The following NOL4L variants were observed in gnomAD, a reference collection of about 807,000 sequenced individuals.
NOL4L encodes nucleolar protein 4 like.
Under a neutral mutation model 64.5 loss-of-function variants are expected in NOL4L, and 7 were observed. That is an observed-to-expected ratio of 0.11 (90% confidence interval 0.06 to 0.20). The LOEUF is 0.20. Ranked by LOEUF, NOL4L falls within the 10% of genes least tolerant of loss-of-function variation. The pLI, the probability that NOL4L is intolerant of heterozygous loss-of-function variation, is 1.00. For synonymous variants in NOL4L, 413 were observed against 401.0 expected, an observed-to-expected ratio of 1.03 and a Z score of -0.36; for missense variants, 680 against 967.1, an observed-to-expected ratio of 0.70 and a Z score of 3.94.
In NOL4L at chr20:32,570,088, G is replaced by A. The variant is rs184938710; in HGVS notation, c.321+14482C>T. 2.0e-5 allele frequency among the ~76,000 whole-genome samples: 3 copies of A among 152,152 alleles called. No individual in the cohort carries two copies. In the East Asian group the frequency reaches 5.8e-4, roughly 29 times the overall value. ...CCCAAACAGCAGGTTCTATTGCTAGGCCCATTGTACAGAGGAGGAAACTGA... is the reference window on the plus strand; with the variant it reads ...CCCAAACAGCAGGTTCTATTGCTAGACCCATTGTACAGAGGAGGAAACTGA... On this transcript the variant is annotated intron_variant, in intron 1 of 10. Coordinates refer to ENST00000621426, the MANE Select transcript of NOL4L (RefSeq NM_001256798.2).
At chr20:32,454,705 C>T (rs567457863) in intron 6 of NOL4L, among the ~76,000 whole-genome samples, 2 of 152,352 alleles carry the variant, frequency 1.3e-5, no homozygotes, top group Admixed American at 6.5e-5. Context: ...TCGTTCAGAT[C>T]GTGACTGACA....
chr20:32,581,462 T>C (rs550865961), intron 1 of NOL4L, among the ~76,000 whole-genome samples: 5 of 152,146 alleles, frequency 3.3e-5, no homozygotes, highest in African/African-American at 1.2e-4. Context: ...GAGAGGGCCC[T>C]GACCACAGCA....
chr20:32,581,064 C>T (rs1980440324), intron 1 of NOL4L, among the ~76,000 whole-genome samples: 1 of 152,334 alleles, frequency 6.6e-6, no homozygotes, highest in Non-Finnish European at 1.5e-5. Context: ...AAATCCTCAC[C>T]AGGCTTCACC....
intron 5 of NOL4L, among the ~76,000 whole-genome samples, chr20:32,473,688 C>G (rs2015186453): frequency 6.6e-6 from 1 of 152,184 alleles, no homozygotes; most frequent in Non-Finnish European, 1.5e-5. Context: ...TTAAGGCTGA[C>G]CCGTTTCACA....
chr20:32,562,713 C>A (rs543522814), intron 1 of NOL4L, among the ~76,000 whole-genome samples: 1 of 151,998 alleles, frequency 6.6e-6, no homozygotes, highest in Admixed American at 6.5e-5. Context: ...TCTGCCCTCC[C>A]TTGACCTCCA....
chr20:32,468,063 G>A (rs1460280437), intron 5 of NOL4L, among the ~76,000 whole-genome samples: 1 of 152,190 alleles, frequency 6.6e-6, no homozygotes, highest in Non-Finnish European at 1.5e-5. Flanking sequence ...GCTCCTGGGG[G>A]CATGCCAGGA....
intron 4 of NOL4L, among the ~76,000 whole-genome samples, chr20:32,488,826 T>TC (rs1568648774): frequency 0.012 from 169 of 14,538 alleles, 13 homozygotes; most frequent in Middle Eastern, 0.033. Context: ...TCTTTCTTTC[T>TC]TTTTCTTTCT....
At chr20:32,564,714 G>A (rs1329255768) in intron 1 of NOL4L, among the ~76,000 whole-genome samples, 2 of 152,250 alleles carry the variant, frequency 1.3e-5, no homozygotes, top group African/African-American at 4.8e-5. Context: ...TGTGGGCACT[G>A]GGGAAAGTAT....
At chr20:32,478,242 TACACACACACACAC>T (rs553898145) in intron 4 of NOL4L, among the ~76,000 whole-genome samples, 1 of 145,062 alleles carries the variant, frequency 6.9e-6, no homozygotes, top group African/African-American at 2.7e-5. Flanking sequence ...AGGCTATATT[TACACACACACACAC>T]ACACACACAC....
chr20:32,488,364 G>C (rs748315892), intron 4 of NOL4L, among the ~76,000 whole-genome samples: 14 of 152,196 alleles, frequency 9.2e-5, no homozygotes, highest in Non-Finnish European at 1.8e-4. Context: ...ATGGTGCATT[G>C]TGGAAATGAG....
At position 32,509,742 on chromosome 20, in the gene NOL4L, TGA is replaced by T. The variant is rs2017308597; in HGVS notation, c.699+1603_699+1604del. The T allele has an allele frequency of 2.4e-6, 3 of 1,271,204 alleles. No homozygotes were observed. The African/African-American group carries it at 4.6e-5, about 20-fold the overall frequency. 78.7% of individuals were successfully genotyped at this position (1,271,204 alleles called of 1,614,324 possible). On this transcript the variant is annotated intron_variant, in intron 4 of 10. Coordinates refer to ENST00000621426, the MANE Select transcript of NOL4L (RefSeq NM_001256798.2). Reference sequence around the variant, plus strand: ...CCAGATCAAATATCTGATTTGTTAGTGAGAGATCGCAACTTGCACGACACTGA... The same window carrying T: ...CCAGATCAAATATCTGATTTGTTAGTGAGATCGCAACTTGCACGACACTGA...
intron 1 of NOL4L, among the ~76,000 whole-genome samples, chr20:32,572,819 C>G (rs570985550): frequency 3.1e-4 from 47 of 152,296 alleles, no homozygotes; most frequent in African/African-American, 1.1e-3. Context: ...TGCACAGGCT[C>G]TGGCTTCCCT....
At chr20:32,567,497 G>A (rs1468418071) in intron 1 of NOL4L, among the ~76,000 whole-genome samples, 2 of 152,120 alleles carry the variant, frequency 1.3e-5, no homozygotes, top group African/African-American at 4.8e-5. Context: ...AACTTACTTG[G>A]GCAAAACCAG....
At chr20:32,528,011 T>A in intron 1 of NOL4L, 98 bp from the exon 2 acceptor site, 2 of 500,276 alleles carry the variant, frequency 4.0e-6, no homozygotes, top group South Asian at 2.1e-5. Flanking sequence ...GGGCAATGCC[T>A]CCGACAGTGG....
intron 4 of NOL4L, among the ~76,000 whole-genome samples, chr20:32,478,269 ACACACTCTCT>A (rs769929994): frequency 8.8e-4 from 112 of 127,770 alleles, no homozygotes; most frequent in Non-Finnish European, 1.5e-3. Flanking sequence ...ACACACACAC[ACACACTCTCT>A]CTCTCTCTCT....
intron 4 of NOL4L, among the ~76,000 whole-genome samples, chr20:32,487,442 C>T (rs2016138549): frequency 6.6e-6 from 1 of 151,952 alleles, no homozygotes. Context: ...AAGAGCTCTC[C>T]CAGGAGGAAG....
At chr20:32,507,184 C>A (rs552114037) in intron 4 of NOL4L, among the ~76,000 whole-genome samples, 1 of 152,304 alleles carries the variant, frequency 6.6e-6, no homozygotes, top group East Asian at 1.9e-4. Flanking sequence ...GTCCTCTGTG[C>A]AACTAAATAC....
At chr20:32,545,412 G>A (rs1276790280) in intron 1 of NOL4L, among the ~76,000 whole-genome samples, 3 of 152,206 alleles carry the variant, frequency 2.0e-5, no homozygotes, top group African/African-American at 2.4e-5. Flanking sequence ...ACACGTGTGC[G>A]ATGTCACGTT....
At chr20:32,485,085 A>AAAAAAAAAAAAAAAAAAAAAAAAAC (rs1568643237) in intron 4 of NOL4L, among the ~76,000 whole-genome samples, 2 of 144,414 alleles carry the variant, frequency 1.4e-5, no homozygotes, top group South Asian at 2.2e-4. Flanking sequence ...AAAAAAAAAA[A>AAAAAAAAAAAAAAAAAAAAAAAAAC]AACAACTAAA....
Sources: allele counts gnomAD v4.1 joint callset (sites outside exome capture counted in the v4.1 genomes callset), GRCh38; gene constraint gnomAD v4.1.1; transcripts MANE v1.5; gene names NCBI Gene and HGNC (gene_info 2026-07-23, HGNC 2026-07-21).